KLHL32: variants seen among roughly 807,000 people sequenced by gnomAD.
KLHL32 encodes the protein kelch like family member 32, also known as kelch-like protein 32.
KLHL32 carries 35 observed loss-of-function variants against 64.8 expected under a neutral mutation model. That is an observed-to-expected ratio of 0.54 (90% CI 0.41 to 0.72). The LOEUF (loss-of-function observed/expected upper bound fraction) is 0.72. KLHL32 is among the 30% of genes least tolerant of loss of function. The pLI, the probability that KLHL32 is intolerant of heterozygous loss-of-function variation, is 0.00. For missense variants in KLHL32, 589 were observed against 768.5 expected, an observed-to-expected ratio of 0.77 and a Z score of 2.76; for synonymous variants, 259 against 281.0, an observed-to-expected ratio of 0.92 and a Z score of 0.78.
chr6:97,068,397 A>G (rs1210182051), intron 5 of KLHL32, among the ~76,000 whole-genome samples: 1 of 152,206 alleles, frequency 6.6e-6, no homozygotes, highest in Non-Finnish European at 1.5e-5. Flanking sequence ...TTTAATATCT[A>G]TTGCTAGACA....
At chr6:96,921,387 G>A (rs763879644), upstream of KLHL32, among the ~76,000 whole-genome samples, 12 of 152,182 alleles carry the variant, frequency 7.9e-5, no homozygotes, top group African/African-American at 1.2e-4. Flanking sequence ...TTACACTGGC[G>A]CTGGCTCCTG....
chr6:97,041,421 T>C, intron 3 of KLHL32, 71 bp from the exon 4 acceptor site: 4 of 935,026 alleles, frequency 4.3e-6, no homozygotes, highest in Non-Finnish European at 6.8e-6. Flanking sequence ...TCCCCTAGTC[T>C]CTCTAGAATT....
chr6:97,136,702 G>T (rs1800060773), intron 10 of KLHL32, among the ~76,000 whole-genome samples: 1 of 152,132 alleles, frequency 6.6e-6, no homozygotes. Context: ...GTGCCAGCTT[G>T]GCACCACACT....
At chr6:96,968,523 T>A (rs548685379) in intron 2 of KLHL32, among the ~76,000 whole-genome samples, 1 of 152,304 alleles carries the variant, frequency 6.6e-6, no homozygotes, top group South Asian at 2.1e-4. Flanking sequence ...CCAAGTTATT[T>A]ATTTCTGGCT....
intron 4 of KLHL32, among the ~76,000 whole-genome samples, chr6:97,045,540 CTAAA>C (rs1482204171): frequency 6.6e-6 from 1 of 152,004 alleles, no homozygotes; most frequent in Non-Finnish European, 1.5e-5. Context: ...GCATTAGCAA[CTAAA>C]TGGTTTAAGC....
intron 4 of KLHL32, among the ~76,000 whole-genome samples, chr6:97,048,805 T>G (rs1221338126): frequency 6.6e-6 from 1 of 152,222 alleles, no homozygotes; most frequent in Non-Finnish European, 1.5e-5. Flanking sequence ...GGAGAAAGTC[T>G]CTGTCGGATT....
chr6:97,110,220 A>C (rs1467172140), intron 6 of KLHL32, among the ~76,000 whole-genome samples: 1 of 152,184 alleles, frequency 6.6e-6, no homozygotes, highest in African/African-American at 2.4e-5. Flanking sequence ...TACCATACAT[A>C]GATAATTTTT....
intron 3 of KLHL32, among the ~76,000 whole-genome samples, chr6:97,025,903 AG>A (rs1782660093): frequency 6.6e-6 from 1 of 152,234 alleles, no homozygotes; most frequent in African/African-American, 2.4e-5. Context: ...ACATGGTAAA[AG>A]CTGGGTAAAC....
In KLHL32 at chr6:97,062,169, A is replaced by G. The variant is rs148025366; in HGVS notation, c.313-2459A>G. 3.3e-4 allele frequency among the ~76,000 whole-genome samples: 50 copies of G among 152,304 alleles called. 4 individuals carry two copies. In the East Asian group the frequency reaches 9.6e-3, roughly 29 times the overall value. ...GCCTGCTGGACATGTAACACATGCT[A>G]TGGAATATTCATCTTGTCTCTCTGT... is the stretch of plus-strand genomic sequence containing the variant. On this transcript the variant is annotated intron_variant, in intron 4 of 10. Transcript: ENST00000369261.
rs1172299047 is a variant in KLHL32 at position 97,127,389 on chromosome 6, G to A, written c.1355-15G>A. 1 of 1,606,844 alleles carries A rather than the reference G, an allele frequency of 6.2e-7. No homozygotes were observed. Among genetic ancestry groups the A allele is most frequent in the South Asian group, 1.1e-5 (1 of 90,760 alleles). ...TTATTCATGAAAAGCTCTAACACAT[G>A]TTAATCCATTACAGGTGGAGTAACT... On this transcript the variant is annotated splice_polypyrimidine_tract_variant and intron_variant, in intron 7 of 10. Coordinates refer to ENST00000369261, the MANE Select transcript of KLHL32 (RefSeq NM_052904.4).
chr6:97,009,180 G>T (rs1387945475), intron 3 of KLHL32, among the ~76,000 whole-genome samples: 2 of 150,856 alleles, frequency 1.3e-5, no homozygotes, highest in African/African-American at 4.9e-5. Flanking sequence ...TAAACTGATG[G>T]TTTACTAGTA....
chr6:97,138,899 C>A (rs1800366877), intron 10 of KLHL32, among the ~76,000 whole-genome samples: 1 of 152,156 alleles, frequency 6.6e-6, no homozygotes, highest in South Asian at 2.1e-4. Context: ...TATAAATATA[C>A]ATGTATGTAT....
chr6:96,944,160 G>A (rs1027757116), intron 1 of KLHL32, among the ~76,000 whole-genome samples: 4 of 152,042 alleles, frequency 2.6e-5, no homozygotes, highest in African/African-American at 4.8e-5. Context: ...TTATTAAGAC[G>A]GTAATTACTG....
chr6:97,102,735 G>A (rs932966303), intron 6 of KLHL32, among the ~76,000 whole-genome samples: 1 of 151,918 alleles, frequency 6.6e-6, no homozygotes, highest in Non-Finnish European at 1.5e-5. Flanking sequence ...TTTTTCCTAT[G>A]GCATCATTGG....
At chr6:96,944,548 A>G (rs895114942) in intron 1 of KLHL32, among the ~76,000 whole-genome samples, 2 of 152,178 alleles carry the variant, frequency 1.3e-5, no homozygotes, top group South Asian at 4.1e-4. Flanking sequence ...ATGATGCTAT[A>G]TATTCATATT....
At chr6:97,109,096 G>A (rs7765858) in intron 6 of KLHL32, among the ~76,000 whole-genome samples, 7,707 of 152,244 alleles carry the variant, frequency 0.051, 673 homozygotes, top group African/African-American at 0.18. Context: ...GACTTTGTTG[G>A]AAGTGCAGAC....
chr6:97,093,994 T>G (rs1229128431), intron 6 of KLHL32, among the ~76,000 whole-genome samples: 2 of 152,194 alleles, frequency 1.3e-5, no homozygotes, highest in Non-Finnish European at 2.9e-5. Flanking sequence ...TGGAAATGAT[T>G]GATCATTCCA....
intron 10 of KLHL32, among the ~76,000 whole-genome samples, chr6:97,136,982 G>A (rs571647649): frequency 3.3e-5 from 5 of 152,134 alleles, no homozygotes; most frequent in South Asian, 2.1e-4. Flanking sequence ...ACCACTTGCC[G>A]TGTGACCCTG....
At chr6:97,022,602 T>C (rs2128105972) in intron 3 of KLHL32, among the ~76,000 whole-genome samples, 1 of 150,210 alleles carries the variant, frequency 6.7e-6, no homozygotes, top group African/African-American at 2.5e-5. Context: ...TCCAAGTAGC[T>C]GGGATTACAG....
Sources: allele counts gnomAD v4.1 joint callset (sites outside exome capture counted in the v4.1 genomes callset), GRCh38; gene constraint gnomAD v4.1.1; transcripts MANE v1.5; gene names NCBI Gene and HGNC (gene_info 2026-07-23, HGNC 2026-07-21).